The following HCK variants were observed in gnomAD, a reference collection of about 807,000 sequenced individuals.
HCK encodes tyrosine-protein kinase HCK.
Under a neutral mutation model 70.4 loss-of-function variants are expected in HCK, and 40 were observed. The observed-to-expected ratio is 0.57, with a 90% CI of 0.44 to 0.74. HCK has a LOEUF of 0.74. HCK is among the 30% of genes least tolerant of loss of function. The pLI is 0.00. For synonymous variants in HCK, 245 were observed against 263.2 expected, an observed-to-expected ratio of 0.93 and a Z score of 0.67; for missense variants, 568 against 697.2, an observed-to-expected ratio of 0.81 and a Z score of 2.09.
intron 6 of HCK, among the ~76,000 whole-genome samples, chr20:32,080,085 C>A (rs567329099): frequency 3.3e-5 from 5 of 152,348 alleles, no homozygotes; most frequent in Admixed American, 6.5e-5. Flanking sequence ...ACCATAGCTG[C>A]CAGCTTAGGT....
chr20:32,058,318 G>C (rs1156661480), intron 1 of HCK, among the ~76,000 whole-genome samples: 1 of 152,188 alleles, frequency 6.6e-6, no homozygotes, highest in African/African-American at 2.4e-5. Context: ...GATCACCTGA[G>C]GTCAGGAGTT....
chr20:32,061,350 G>A (rs190257225), intron 1 of HCK, among the ~76,000 whole-genome samples: 1 of 152,220 alleles, frequency 6.6e-6, no homozygotes. Flanking sequence ...CTTGACAGAG[G>A]TCCCCCAGAC....
chr20:32,089,751 G>T (rs775912662), intron 10 of HCK, among the ~76,000 whole-genome samples: 1 of 152,258 alleles, frequency 6.6e-6, no homozygotes, highest in Non-Finnish European at 1.5e-5. Context: ...GGTGGTATTA[G>T]AGTGCATAGC....
At chr20:32,101,168 A>G in intron 12 of HCK, 149 bp from the exon 13 acceptor site, 1 of 687,492 alleles carries the variant, frequency 1.5e-6, no homozygotes, top group Non-Finnish European at 2.5e-6. Context: ...AGTGAAGCTG[A>G]GGGTGGAAGT....
chr20:32,056,373 G>A (rs1026906219), intron 1 of HCK, among the ~76,000 whole-genome samples: 1 of 152,066 alleles, frequency 6.6e-6, no homozygotes, highest in South Asian at 2.1e-4. Context: ...AAAATTAGCC[G>A]GGCATTGTGG....
chr20:32,075,825 T>C (rs1367079760), intron 5 of HCK, among the ~76,000 whole-genome samples: 1 of 152,142 alleles, frequency 6.6e-6, no homozygotes, highest in Non-Finnish European at 1.5e-5. Flanking sequence ...GTTCTCTGTA[T>C]GGTGGATGAG....
In HCK at chr20:32,083,789, T is replaced by A; in HGVS notation, c.533-105T>A. The A allele has an allele frequency of 2.2e-6, 3 of 1,357,224 alleles. 1 individual carries two copies. The South Asian group carries it at 3.5e-5, about 16-fold the overall frequency. The allele number at this position is 1,357,224 out of a possible 1,614,324, so 84.1% of individuals were successfully genotyped here. On this transcript the variant is annotated intron_variant, in intron 6 of 12. Transcript: ENST00000375852. ...AGACCCTCGGGCACTTCTGCCCAGGTGTCAGGACGGTGCCAGCGGTAGCCT... is the reference window on the plus strand; with the variant it reads ...AGACCCTCGGGCACTTCTGCCCAGGAGTCAGGACGGTGCCAGCGGTAGCCT...
intron 4 of HCK, 62 bp from the exon 5 acceptor site, chr20:32,074,561 C>A: frequency 7.9e-7 from 1 of 1,257,912 alleles, no homozygotes; most frequent in Non-Finnish European, 1.2e-6. Flanking sequence ...GGCTGGGGAG[C>A]TTGAGGAGAC....
intron 1 of HCK, among the ~76,000 whole-genome samples, chr20:32,068,779 T>C (rs1056161861): frequency 2.7e-5 from 4 of 148,320 alleles, no homozygotes; most frequent in Non-Finnish European, 4.5e-5. Context: ...CTCTACAGAA[T>C]ATAAATTTTA....
intron 1 of HCK, among the ~76,000 whole-genome samples, chr20:32,068,761 C>T (rs2045496410): frequency 6.6e-6 from 1 of 151,454 alleles, no homozygotes; most frequent in Admixed American, 6.6e-5. Context: ...CCCCTCTCTG[C>T]CCCCTGTCTC....
At chr20:32,080,948 G>T (rs1259486153) in intron 6 of HCK, among the ~76,000 whole-genome samples, 2 of 151,926 alleles carry the variant, frequency 1.3e-5, no homozygotes, top group African/African-American at 2.4e-5. Flanking sequence ...AATTAGCCAA[G>T]CATGGTGGTG....
At chr20:32,073,652 G>T in intron 3 of HCK, 64 bp from the exon 4 acceptor site, 1 of 1,127,874 alleles carries the variant, frequency 8.9e-7, no homozygotes, top group South Asian at 1.3e-5. Context: ...TGCCGGGTGA[G>T]GGTCACCAAG....
intron 8 of HCK, among the ~76,000 whole-genome samples, chr20:32,085,588 G>T (rs1211557579): frequency 6.6e-6 from 1 of 152,116 alleles, no homozygotes; most frequent in Non-Finnish European, 1.5e-5. Flanking sequence ...GATCTGAGTG[G>T]TGAGATTTGA....
At chr20:32,062,769 G>C (rs17093788) in intron 1 of HCK, among the ~76,000 whole-genome samples, 3,096 of 152,266 alleles carry the variant, frequency 0.02, 78 homozygotes, top group African/African-American at 0.059. Flanking sequence ...GTAGTCACTC[G>C]GGGATAAAGA....
At chr20:32,062,022 C>T (rs2045386301) in intron 1 of HCK, among the ~76,000 whole-genome samples, 1 of 150,970 alleles carries the variant, frequency 6.6e-6, no homozygotes, top group South Asian at 2.1e-4. Flanking sequence ...TCCCTGCAAC[C>T]TCTGACTCTG....
rs768339548 is a variant in HCK at position 32,084,005 on chromosome 20, C to T, written c.644C>T (p.Thr215Ile). The T allele has an allele frequency of 1.9e-6, 3 of 1,614,124 alleles. No homozygotes were observed. The highest frequency in any genetic ancestry group is 2.5e-6 in the Non-Finnish European group (3 of 1,180,044). The change falls in exon 7 of 13, where the codon ACC becomes ATC. Residue 215 changes from threonine (T) to isoleucine (I), a missense_variant. By Grantham distance (89) the Thr-to-Ile change is moderately conservative. Coordinates refer to ENST00000375852, the MANE Select transcript of HCK (RefSeq NM_002110.5). ...GGCTTCTACATATCCCCCCGAAGCA[C>T]CTTCAGCACTCTGCAGGAGCTGGTG... is the stretch of plus-strand genomic sequence containing the variant.
chr20:32,101,392 A>G lies in HCK; in HGVS notation c.1454A>G (p.Glu485Gly). ...CCTCGCCCAGAGAACTGCCCAGAGG[A>G]GCTCTACAACATCATGATGCGCTGC... Residue 485 changes from glutamate to glycine, a missense_variant, in exon 13 of 13, where the codon GAG (glutamate) becomes GGG (glycine). This residue lies in a region of HCK where 77 missense variants were observed against 85.0 expected (regional missense o/e 0.91). Transcript: ENST00000375852. The G allele has an allele frequency of 6.2e-7, 1 of 1,614,170 alleles. No individual in the cohort carries two copies. Among genetic ancestry groups the G allele is most frequent in the Non-Finnish European group, 8.5e-7 (1 of 1,180,026 alleles).
In HCK at chr20:32,076,795, C is replaced by T. The variant is rs149874978; in HGVS notation, c.428+2074C>T. ...AGCTTGGGAACCACTGATCTAAATACGCATATCTGGCCAGGTGTGGTGGCT... is the reference window on the plus strand; with the variant it reads ...AGCTTGGGAACCACTGATCTAAATATGCATATCTGGCCAGGTGTGGTGGCT... On this transcript the variant is annotated intron_variant, in intron 5 of 12. Coordinates refer to ENST00000375852, the MANE Select transcript of HCK (RefSeq NM_002110.5). Among the ~76,000 whole-genome samples the T allele has an allele frequency of 1.7e-3, 259 of 151,992 alleles. 2 individuals carry two copies. Among genetic ancestry groups the T allele is most frequent in the African/African-American group, 5.5e-3 (227 of 41,498 alleles).
intron 2 of HCK, 53 bp downstream of exon 2, chr20:32,071,835 A>T: frequency 6.3e-7 from 1 of 1,591,716 alleles, no homozygotes; most frequent in South Asian, 1.1e-5. Context: ...CTGCCCCAAC[A>T]TTGCCCTAAC....
Sources: allele counts gnomAD v4.1 joint callset (sites outside exome capture counted in the v4.1 genomes callset), GRCh38; gene constraint gnomAD v4.1.1; regional missense constraint gnomAD v4.1.1; transcripts MANE v1.5; gene names NCBI Gene and HGNC (gene_info 2026-07-23, HGNC 2026-07-21).